The following STARD13 variants were observed in gnomAD, a reference collection of about 807,000 sequenced individuals.
STARD13 encodes the protein stAR-related lipid transfer protein 13.
STARD13 carries 62 observed loss-of-function variants against 106.4 expected under a neutral mutation model. The ratio of observed to expected loss-of-function variants is 0.58; its 90% CI spans 0.48 to 0.72. The LOEUF is 0.72. Among genes scored for constraint, STARD13 ranks in the 30% least tolerant of loss-of-function variants. The probability of loss-of-function intolerance (pLI) is 0.00; values close to 1 mark genes in which losing one functional copy is unlikely to be tolerated. For synonymous variants in STARD13, 565 were observed against 553.0 expected, an observed-to-expected ratio of 1.02 and a Z score of -0.31; for missense variants, 1,387 against 1,424.0, an observed-to-expected ratio of 0.97 and a Z score of 0.42.
chr13:33,300,897 G>T (rs978256230), intron 1 of STARD13, among the ~76,000 whole-genome samples: 1 of 152,114 alleles, frequency 6.6e-6, no homozygotes, highest in African/African-American at 2.4e-5. Context: ...CCTTCCAGAG[G>T]CTTTGAACAT....
At chr13:33,577,277 C>T in the STARD13 span, among the ~76,000 whole-genome samples, 1 of 152,162 alleles carries the variant, frequency 6.6e-6, no homozygotes, top group Admixed American at 6.6e-5. Flanking sequence ...CTCTACTCTA[C>T]AGAGAAATAA....
the STARD13 span, among the ~76,000 whole-genome samples, chr13:33,448,598 C>T: frequency 4.3e-3 from 661 of 152,196 alleles, 5 homozygotes; most frequent in Non-Finnish European, 6.8e-3. Flanking sequence ...ATATTGATAT[C>T]ATTTCCTTTG....
chr13:33,236,414 G>T (rs1460050201), intron 1 of STARD13, among the ~76,000 whole-genome samples: 2 of 152,226 alleles, frequency 1.3e-5, no homozygotes, highest in Non-Finnish European at 2.9e-5. Flanking sequence ...ATGGCTGCGT[G>T]AGTGTTAGAG....
chr13:33,592,205 A>T, the STARD13 span, among the ~76,000 whole-genome samples: 10,828 of 152,230 alleles, frequency 0.071, 417 homozygotes, highest in East Asian at 0.097. Context: ...CAGTGGATCG[A>T]TTTTCAAATT....
chr13:33,261,705 G>A (rs568112698), intron 1 of STARD13, among the ~76,000 whole-genome samples: 15 of 152,124 alleles, frequency 9.9e-5, no homozygotes, highest in African/African-American at 3.4e-4. Context: ...CTCATAATAC[G>A]CAATTCAGCT....
chr13:33,308,028 T>A (rs767682000), intron 1 of STARD13, among the ~76,000 whole-genome samples: 12 of 152,180 alleles, frequency 7.9e-5, no homozygotes, highest in Admixed American at 2.0e-4. Context: ...TTTCTTGGCC[T>A]TCAACACAAA....
the STARD13 span, among the ~76,000 whole-genome samples, chr13:33,574,533 C>T: frequency 6.6e-6 from 1 of 152,234 alleles, no homozygotes; most frequent in Admixed American, 6.5e-5. Context: ...CCCAGGAGTT[C>T]GAGACCAGCC....
At chr13:33,110,973 C>CAAAG in intron 10 of STARD13, 66 bp from the exon 11 acceptor site, 11 of 1,438,430 alleles carry the variant, frequency 7.6e-6, no homozygotes, top group Non-Finnish European at 1.1e-5. Flanking sequence ...TCAAAGAAAG[C>CAAAG]AAAGCCATTT....
At chr13:33,502,525 C>T in the STARD13 span, among the ~76,000 whole-genome samples, 1 of 152,152 alleles carries the variant, frequency 6.6e-6, no homozygotes, top group Non-Finnish European at 1.5e-5. Context: ...GTGGATTTGT[C>T]ATAAATAGCT....
chr13:33,414,660 G>A, the STARD13 span, among the ~76,000 whole-genome samples: 1 of 152,088 alleles, frequency 6.6e-6, no homozygotes, highest in Non-Finnish European at 1.5e-5. Flanking sequence ...GGAGGGAAGT[G>A]GATGTGACTA....
At chr13:33,139,568 G>T (rs1024457304) in intron 4 of STARD13, among the ~76,000 whole-genome samples, 10 of 152,088 alleles carry the variant, frequency 6.6e-5, no homozygotes, top group Admixed American at 3.3e-4. Flanking sequence ...TTGGAGGTGG[G>T]GATTCTATTT....
chr13:33,565,087 AAGTGAAATGGGCACAAAATTT>A, the STARD13 span, among the ~76,000 whole-genome samples: 2 of 147,738 alleles, frequency 1.4e-5, no homozygotes, highest in African/African-American at 2.5e-5. Context: ...TTAGCACAAA[AAGTGAAATGGGCACAAAATTT>A]AGTGAAATGG....
intron 1 of STARD13, among the ~76,000 whole-genome samples, chr13:33,202,242 T>G (rs974609014): frequency 7.9e-5 from 12 of 152,202 alleles, no homozygotes; most frequent in African/African-American, 2.9e-4. Flanking sequence ...ATAGGACTAG[T>G]AGGTTAATAG....
At chr13:33,489,934 C>T in the STARD13 span, among the ~76,000 whole-genome samples, 2,284 of 151,970 alleles carry the variant, frequency 0.015, 50 homozygotes, top group African/African-American at 0.049. Context: ...TGGAACATTG[C>T]TGAAAGGAAA....
chr13:33,212,346 A>G (rs1204386013), intron 1 of STARD13, among the ~76,000 whole-genome samples: 2 of 152,226 alleles, frequency 1.3e-5, no homozygotes. Context: ...ATATGTGCAG[A>G]TATCCAGAGC....
chr13:33,182,544 T>C (rs941786945), intron 1 of STARD13, among the ~76,000 whole-genome samples: 2 of 152,164 alleles, frequency 1.3e-5, no homozygotes, highest in African/African-American at 4.8e-5. Flanking sequence ...AGAAAAATTG[T>C]CTTGGGCCAC....
intron 1 of STARD13, among the ~76,000 whole-genome samples, chr13:33,323,737 T>C (rs964635178): frequency 2.9e-4 from 44 of 152,202 alleles, no homozygotes; most frequent in African/African-American, 1.1e-3. Flanking sequence ...GCAGAAAACA[T>C]AGCCAGAAAT....
the STARD13 span, among the ~76,000 whole-genome samples, chr13:33,445,926 T>C: frequency 2.0e-5 from 3 of 152,110 alleles, no homozygotes; most frequent in African/African-American, 7.2e-5. Flanking sequence ...TCTCCAACAT[T>C]GAAATTAAAT....
chr13:33,112,438 A>G (rs520313), intron 9 of STARD13, among the ~76,000 whole-genome samples: 34,280 of 152,082 alleles, frequency 0.23, 4,170 homozygotes, highest in South Asian at 0.3. Flanking sequence ...ATAATCTATT[A>G]TCTATCTCTA....
Sources: gnomAD v4.1 joint callset for allele counts (sites outside exome capture counted in the v4.1 genomes callset) on GRCh38, gnomAD v4.1.1 for gene constraint, MANE v1.5 for transcripts, NCBI Gene and HGNC (gene_info 2026-07-23, HGNC 2026-07-21) for gene names.